G2E3: variants seen among roughly 807,000 people sequenced by gnomAD.
The protein encoded by G2E3 is G2/M-phase specific E3 ubiquitin protein ligase, also known as G2/M phase-specific E3 ubiquitin-protein ligase.
In G2E3, 35 loss-of-function variants were observed where a neutral mutation model predicts 92.8. The observed-to-expected ratio is 0.38, with a 90% CI of 0.29 to 0.50. The LOEUF is 0.50. Among genes scored for constraint, G2E3 ranks in the 20% least tolerant of loss-of-function variants. The pLI, the probability that G2E3 is intolerant of heterozygous loss-of-function variation, is 0.94. For synonymous variants in G2E3, 242 were observed against 272.4 expected, an observed-to-expected ratio of 0.89 and a Z score of 1.10; for missense variants, 554 against 823.8, an observed-to-expected ratio of 0.67 and a Z score of 4.01.
At chr14:30,574,876 C>T (rs1357375207) in intron 1 of G2E3, among the ~76,000 whole-genome samples, 1 of 152,296 alleles carries the variant, frequency 6.6e-6, no homozygotes, top group East Asian at 1.9e-4. Context: ...AATAGTGCTG[C>T]AGTGAACATT....
intron 1 of G2E3, among the ~76,000 whole-genome samples, chr14:30,579,568 C>G (rs1208874952): frequency 6.6e-6 from 1 of 152,168 alleles, no homozygotes; most frequent in Non-Finnish European, 1.5e-5. Flanking sequence ...CTGTGTCCTA[C>G]ATTTTGTGGT....
intron 2 of G2E3, among the ~76,000 whole-genome samples, chr14:30,582,218 G>A (rs956186996): frequency 1.1e-4 from 17 of 152,072 alleles, no homozygotes; most frequent in Admixed American, 5.2e-4. Context: ...ATGTATTTAA[G>A]GTAGAAACTT....
In G2E3 at chr14:30,620,039, C is replaced by T. The variant is rs1197062212; in HGVS notation, c.*3505C>T. ...GTATCCTCTAATGTAAAATAGCTTA[C>T]CAGAATAAATTATTTAAGCCAAAAA... On this transcript the variant is annotated 3_prime_UTR_variant, in exon 15 of 15. Transcript: ENST00000206595. 5 of 152,110 alleles carry T rather than the reference C, an allele frequency of 3.3e-5. No individual in the cohort carries two copies. The highest frequency in any genetic ancestry group is 7.4e-5 in the Non-Finnish European group (5 of 68,004). 9.4% of individuals were successfully genotyped at this position (152,110 alleles called of 1,614,324 possible).
chr14:30,575,704 A>G (rs1880042079), intron 1 of G2E3, among the ~76,000 whole-genome samples: 1 of 152,230 alleles, frequency 6.6e-6, no homozygotes, highest in African/African-American at 2.4e-5. Context: ...AAAATTCACT[A>G]GCATTCCTAT....
At chr14:30,565,623 G>A (rs932628398) in intron 1 of G2E3, among the ~76,000 whole-genome samples, 4 of 133,960 alleles carry the variant, frequency 3.0e-5, no homozygotes, top group Admixed American at 7.4e-5. Flanking sequence ...TTTTTAATGC[G>A]TGTGAGGTAG....
At chr14:30,572,485 T>C (rs1008406610) in intron 1 of G2E3, among the ~76,000 whole-genome samples, 1 of 152,182 alleles carries the variant, frequency 6.6e-6, no homozygotes, top group Non-Finnish European at 1.5e-5. Context: ...AGTGTGGAAA[T>C]TAATGCACAT....
chr14:30,562,066 C>G (rs927908250), intron 1 of G2E3, among the ~76,000 whole-genome samples: 4 of 151,972 alleles, frequency 2.6e-5, no homozygotes, highest in African/African-American at 9.7e-5. Flanking sequence ...CTCACTTAAT[C>G]CTCACAACCA....
chr14:30,572,254 T>G (rs1879810049), intron 1 of G2E3, among the ~76,000 whole-genome samples: 1 of 152,004 alleles, frequency 6.6e-6, no homozygotes, highest in Non-Finnish European at 1.5e-5. Context: ...TCTATGTAGA[T>G]GATCATATGT....
At chr14:30,570,748 T>C (rs1055766339) in intron 1 of G2E3, among the ~76,000 whole-genome samples, 8 of 152,174 alleles carry the variant, frequency 5.3e-5, no homozygotes, top group African/African-American at 1.2e-4. Flanking sequence ...TTGTGAGTTT[T>C]TTGCCAGGTT....
chr14:30,570,101 T>A (rs1354481533), intron 1 of G2E3, among the ~76,000 whole-genome samples: 1 of 152,210 alleles, frequency 6.6e-6, no homozygotes, highest in Non-Finnish European at 1.5e-5. Context: ...GCTTACAGGT[T>A]TGGGTTTTTT....
chr14:30,607,238 C>T (rs1473547436), intron 11 of G2E3, among the ~76,000 whole-genome samples: 1 of 151,914 alleles, frequency 6.6e-6, no homozygotes, highest in Non-Finnish European at 1.5e-5. Context: ...TTTATATACA[C>T]AAAGAGGTAC....
At chr14:30,561,478 C>G (rs1879095760) in intron 1 of G2E3, among the ~76,000 whole-genome samples, 1 of 152,182 alleles carries the variant, frequency 6.6e-6, no homozygotes, top group African/African-American at 2.4e-5. Context: ...GAGTCTGGTA[C>G]CAACTTCTCT....
Position 30,619,785 on chromosome 14 carries a change from G to C in G2E3, c.*3251G>C, listed in dbSNP as rs370975001. The C allele has an allele frequency of 6.6e-6, 1 of 152,060 alleles. No individual in the cohort carries two copies. The highest frequency in any genetic ancestry group is 6.5e-5 in the Admixed American group (1 of 15,272). The allele number at this position is 152,060 out of a possible 1,614,324, so 9.4% of individuals were successfully genotyped here. ...AAGACTGCCAGATTAACCAAAAAGC[G>C]TGACATTTATAACAATGTTTTATAA... On this transcript the variant is annotated 3_prime_UTR_variant, in exon 15 of 15. Coordinates refer to ENST00000206595, the MANE Select transcript of G2E3 (RefSeq NM_017769.5).
chr14:30,573,145 T>C (rs972391255), intron 1 of G2E3, among the ~76,000 whole-genome samples: 3 of 152,156 alleles, frequency 2.0e-5, no homozygotes, highest in African/African-American at 7.2e-5. Context: ...TATGTACATT[T>C]TTAAGATATG....
intron 1 of G2E3, among the ~76,000 whole-genome samples, chr14:30,562,326 C>T (rs1879150058): frequency 6.6e-6 from 1 of 152,042 alleles, no homozygotes; most frequent in South Asian, 2.1e-4. Flanking sequence ...AGCAATTACT[C>T]TTTATTCCAA....
intron 1 of G2E3, among the ~76,000 whole-genome samples, chr14:30,569,494 G>A (rs229182): frequency 0.011 from 1,663 of 152,280 alleles, 25 homozygotes; most frequent in African/African-American, 0.038. Flanking sequence ...TGTCACATAA[G>A]GTAGCAGATA....
intron 10 of G2E3, among the ~76,000 whole-genome samples, chr14:30,603,744 C>A (rs1457339573): frequency 6.6e-6 from 1 of 152,138 alleles, no homozygotes; most frequent in Non-Finnish European, 1.5e-5. Flanking sequence ...AGGCAAGAGG[C>A]TGAGGTGGGA....
chr14:30,560,826 G>C (rs1204038002), intron 1 of G2E3: 3 of 701,078 alleles, frequency 4.3e-6, no homozygotes, highest in Non-Finnish European at 7.8e-6. Context: ...TGAACAGTCT[G>C]CATATTTAAC....
chr14:30,594,392 A>G (rs1382821894), intron 6 of G2E3, among the ~76,000 whole-genome samples: 2 of 152,180 alleles, frequency 1.3e-5, no homozygotes, highest in Non-Finnish European at 2.9e-5. Flanking sequence ...CATATTTTTA[A>G]AAGTTAAAAG....
Sources: gnomAD v4.1 joint callset for allele counts (sites outside exome capture counted in the v4.1 genomes callset) on GRCh38, gnomAD v4.1.1 for gene constraint, MANE v1.5 for transcripts, NCBI Gene and HGNC (gene_info 2026-07-23, HGNC 2026-07-21) for gene names.